TSLP: variants seen among roughly 807,000 people sequenced by gnomAD.
TSLP encodes the protein thymic stroma-derived lymphopoietin.
Under a neutral mutation model 12.4 loss-of-function variants are expected in TSLP, and 12 were observed. The ratio of observed to expected loss-of-function variants is 0.97; its 90% CI spans 0.62 to 1.57. TSLP has a LOEUF of 1.57. Among genes scored for constraint, TSLP ranks in the 40% most tolerant of loss-of-function variants. The probability of loss-of-function intolerance (pLI) is 0.00; values close to 1 mark genes in which losing one functional copy is unlikely to be tolerated. For synonymous variants in TSLP, 97 were observed against 69.5 expected (o/e 1.40, Z -1.97); for missense variants, 222 against 189.6 (o/e 1.17, Z -1.00).
Position 111,077,748 on chromosome 5 carries a change from T to C in TSLP, c.*1674T>C, listed in dbSNP as rs1176980040. 6.6e-6 allele frequency: 1 copy of C among 152,620 alleles called. No homozygotes were observed. The highest frequency in any genetic ancestry group is 1.5e-5 in the Non-Finnish European group (1 of 68,034). The allele number at this position is 152,620 out of a possible 1,614,324, so 9.5% of individuals were successfully genotyped here. On this transcript the variant is annotated 3_prime_UTR_variant, in exon 4 of 4. Transcript: ENST00000344895. ...GTGCAGTTTCTTTGAATCTTCTGCTTTATCTTTAAAAATTTGTATAATTTA... is the reference window on the plus strand; with the variant it reads ...GTGCAGTTTCTTTGAATCTTCTGCTCTATCTTTAAAAATTTGTATAATTTA...
At chr5:111,075,889 A>C in intron 3 of TSLP, 57 bp from the exon 4 acceptor site, 2 of 1,581,204 alleles carry the variant, frequency 1.3e-6, no homozygotes, top group South Asian at 2.3e-5. Context: ...ACCTGCTCTC[A>C]ACAGTTACTA....
At position 111,071,794 on chromosome 5, in the gene TSLP, G is replaced by C. The variant is rs141800763; in HGVS notation, c.-97G>C. 43 of 1,457,296 alleles carry C rather than the reference G, an allele frequency of 3.0e-5. No individual in the cohort carries two copies. In the Admixed American group the frequency reaches 4.9e-4, roughly 16 times the overall value. The allele number at this position is 1,457,296 out of a possible 1,614,324, so 90.3% of individuals were successfully genotyped here. On this transcript the variant is annotated 5_prime_UTR_variant, in exon 1 of 4. Transcript: ENST00000344895. Reference sequence around the variant, plus strand: ...CTGGCAATGAGAGGCAAAACCTGGTGCTTGAGCACTGGCCCCTAAGGCAGG... The same window carrying C: ...CTGGCAATGAGAGGCAAAACCTGGTCCTTGAGCACTGGCCCCTAAGGCAGG...
chr5:111,078,008 A>G lies in TSLP; in HGVS notation c.*1934A>G, dbSNP rs1254472426. 1 of 152,620 alleles carries G rather than the reference A, an allele frequency of 6.6e-6. No individual in the cohort carries two copies. The highest frequency in any genetic ancestry group is 1.5e-5 in the Non-Finnish European group (1 of 68,038). 9.5% of individuals were successfully genotyped at this position (152,620 alleles called of 1,614,324 possible). A position where few individuals can be genotyped will look rare whatever the true frequency, so the allele number is the denominator to read the frequency against. Reference sequence around the variant, plus strand: ...TGTCAATGTTTCATGGTCAATAAAAAGGAAGTTGCAAATTGTGATTTAAGC... The same window carrying G: ...TGTCAATGTTTCATGGTCAATAAAAGGGAAGTTGCAAATTGTGATTTAAGC... On this transcript the variant is annotated 3_prime_UTR_variant, in exon 4 of 4. Coordinates refer to ENST00000344895, the MANE Select transcript of TSLP (RefSeq NM_033035.5).
At chr5:111,075,766 G>C (rs1193087634) in intron 3 of TSLP, among the ~76,000 whole-genome samples, 180 bp from the exon 4 acceptor site, 1 of 152,142 alleles carries the variant, frequency 6.6e-6, no homozygotes, top group East Asian at 1.9e-4. Flanking sequence ...AGCAAAAGTA[G>C]GTGGGTACAG....
chr5:111,073,120 A>G (rs911437702), intron 2 of TSLP, among the ~76,000 whole-genome samples, 188 bp downstream of exon 2: 5 of 152,186 alleles, frequency 3.3e-5, no homozygotes, highest in Non-Finnish European at 7.4e-5. Flanking sequence ...TTCTGTTCCA[A>G]TTTAGGGAGA....
upstream of TSLP, chr5:111,071,435 C>T (rs1322166575): frequency 1.3e-6 from 2 of 1,521,538 alleles, no homozygotes; most frequent in East Asian, 2.5e-5. Context: ...CGGAAATGCC[C>T]TGTAGGAGAA....
In TSLP at chr5:111,076,209, A is replaced by T; in HGVS notation, c.*135A>T. On this transcript the variant is annotated 3_prime_UTR_variant, in exon 4 of 4. Transcript: ENST00000344895. The stretch of plus-strand genomic sequence containing the variant: ...TAATTACAGAAGAGTTTCTTAACTT[A>T]CTTTTGTAAGTTTTTATTGTGTAAG... 1 of 1,085,790 alleles carries T rather than the reference A, an allele frequency of 9.2e-7. No homozygotes were observed. The highest frequency in any genetic ancestry group is 1.3e-6 in the Non-Finnish European group (1 of 747,422). 67.3% of individuals were successfully genotyped at this position (1,085,790 alleles called of 1,614,324 possible).
At chr5:111,075,175 C>T (rs1400246901) in intron 3 of TSLP, among the ~76,000 whole-genome samples, 2 of 152,144 alleles carry the variant, frequency 1.3e-5, no homozygotes, top group African/African-American at 4.8e-5. Context: ...CAGTCCCTCC[C>T]AAGCCCAAAT....
intron 1 of TSLP, 100 bp from the exon 2 acceptor site, chr5:111,072,788 T>A: frequency 1.6e-6 from 2 of 1,239,140 alleles, no homozygotes; most frequent in Admixed American, 3.5e-5. Context: ...GAAACTGTTT[T>A]CAGGGCACCT....
At chr5:111,073,082 C>A in intron 2 of TSLP, 150 bp downstream of exon 2, 3 of 994,050 alleles carry the variant, frequency 3.0e-6, no homozygotes, top group Non-Finnish European at 4.5e-6. Flanking sequence ...GCTGTCAGAG[C>A]GGGGCTGCGC....
Position 111,071,964 on chromosome 5 carries a change from TG to T in TSLP, c.76del (p.Val26CysfsTer2), listed in dbSNP as rs1752348807. The T allele has an allele frequency of 1.2e-6, 2 of 1,614,140 alleles. No individual in the cohort carries two copies. Among genetic ancestry groups the T allele is most frequent in the African/African-American group, 2.7e-5 (2 of 74,948 alleles). On this transcript the variant is annotated frameshift_variant, in exon 1 of 4. Coordinates refer to ENST00000344895, the MANE Select transcript of TSLP (RefSeq NM_033035.5). LOFTEE classifies it high-confidence loss of function. Reference protein sequence around the residue: ...RKIFILQLVGLVLTYDFTNCD... With the variant: ...RKIFILQLVGXVLTYDFTNCD... Reference sequence around the variant, plus strand: ...ATCTTCATCTTACAACTTGTAGGGCTGGTGTTAACTTACGACTTCACTAACT... The same window carrying T: ...ATCTTCATCTTACAACTTGTAGGGCTGTGTTAACTTACGACTTCACTAACT...
chr5:111,071,076 T>C (rs1269442727), upstream of TSLP: 2 of 179,666 alleles, frequency 1.1e-5, no homozygotes, highest in Non-Finnish European at 2.3e-5. Context: ...CTGAAATTGA[T>C]ATGGGAAATT....
Position 111,073,514 on chromosome 5 carries a change from C to T in TSLP, c.220C>T (p.His74Tyr). Reference sequence around the variant, plus strand: ...AAACTTTGCCGCCTATGAGCAGCCACATTGCCTTACTGAAATCCAGAGCCT... The same window carrying T: ...AAACTTTGCCGCCTATGAGCAGCCATATTGCCTTACTGAAATCCAGAGCCT... Reference protein sequence around the residue: ...NNTVSCSNRPHCLTEIQSLTF... With the variant: ...NNTVSCSNRPYCLTEIQSLTF... The change falls in exon 3 of 4, where the codon CAT (histidine) becomes TAT (tyrosine). Residue 74 changes from histidine (H) to tyrosine (Y), a missense_variant. His to Tyr is a moderately conservative substitution (Grantham distance 83). Coordinates refer to ENST00000344895, the MANE Select transcript of TSLP (RefSeq NM_033035.5). The T allele has an allele frequency of 1.2e-6, 2 of 1,614,166 alleles. No homozygotes were observed. The highest frequency in any genetic ancestry group is 1.7e-6 in the Non-Finnish European group (2 of 1,180,042).
In TSLP at chr5:111,072,055, G is replaced by C. The variant is rs781307526; in HGVS notation, c.165G>C (p.Met55Ile). 8.1e-6 allele frequency: 13 copies of C among 1,610,108 alleles called. No homozygotes were observed. The highest frequency in any genetic ancestry group is 1.1e-5 in the Non-Finnish European group (13 of 1,177,362). Residue 55 changes from methionine (M) to isoleucine (I), a missense_variant, in exon 1 of 4, where the codon ATG becomes ATC. By Grantham distance (10) the Met-to-Ile change is conservative (BLOSUM62 1). Transcript: ENST00000344895. ...STISKDLITY[M>I]SGTKSTEFNN... ...TTTCTAAAGACCTGATTACATATAT[G>C]AGTGGGGTAAGTGAAGAAGCTTTTT... is the stretch of plus-strand genomic sequence containing the variant.
chr5:111,074,695 A>T (rs1042236239), intron 3 of TSLP, among the ~76,000 whole-genome samples: 22 of 144,896 alleles, frequency 1.5e-4, no homozygotes, highest in African/African-American at 5.7e-4. Context: ...CAGTGGCACG[A>T]TCTCAGCTCA....
Position 111,075,937 on chromosome 5 carries a change from A to T in TSLP, c.352-9A>T. ...AGTAATTTTGACTATTGATTCTTAT[A>T]TTCTGCAGATAAATGCTACTCAGGC... On this transcript the variant is annotated splice_polypyrimidine_tract_variant and intron_variant, in intron 3 of 3. Coordinates refer to ENST00000344895, the MANE Select transcript of TSLP (RefSeq NM_033035.5). 6.2e-7 allele frequency: 1 copy of T among 1,611,196 alleles called. No homozygotes were observed. The highest frequency in any genetic ancestry group is 1.1e-5 in the South Asian group (1 of 90,718).
chr5:111,070,683 G>A (rs1161146998), upstream of TSLP: 1 of 152,460 alleles, frequency 6.6e-6, no homozygotes, highest in African/African-American at 2.4e-5. Flanking sequence ...GGATCAACAA[G>A]AGTTTGCTAG....
In TSLP at chr5:111,073,564, C is replaced by G. The variant is rs767648931; in HGVS notation, c.270C>G (p.Cys90Trp). ...QSLTFNPTAG[C>W]ASLAKEMFAM... is the part of the protein sequence containing the mutation. ...TAACCTTCAATCCCACCGCCGGCTG[C>G]GCGTCGCTCGCCAAAGAAATGTTCG... Residue 90 changes from cysteine (C) to tryptophan (W), a missense_variant, in exon 3 of 4, where the codon TGC (cysteine) becomes TGG (tryptophan). Coordinates refer to ENST00000344895, the MANE Select transcript of TSLP (RefSeq NM_033035.5). 6.2e-7 allele frequency: 1 copy of G among 1,614,186 alleles called. No homozygotes were observed. The highest frequency in any genetic ancestry group is 8.5e-7 in the Non-Finnish European group (1 of 1,180,038).
At position 111,077,803 on chromosome 5, in the gene TSLP, T is replaced by C. The variant is rs1432986333; in HGVS notation, c.*1729T>C. On this transcript the variant is annotated 3_prime_UTR_variant, in exon 4 of 4. Coordinates refer to ENST00000344895, the MANE Select transcript of TSLP (RefSeq NM_033035.5). ...TTTTATTCTATGTGTTCCATAGATA[T>C]CTTAATGTAAAATTAGTCATTTAAA... 1 of 152,620 alleles carries C rather than the reference T, an allele frequency of 6.6e-6. No individual in the cohort carries two copies. Among genetic ancestry groups the C allele is most frequent in the Admixed American group, 6.5e-5 (1 of 15,292 alleles). 9.5% of individuals were successfully genotyped at this position (152,620 alleles called of 1,614,324 possible).
Sources: gnomAD v4.1 joint callset for allele counts (sites outside exome capture counted in the v4.1 genomes callset) on GRCh38, gnomAD v4.1.1 for gene constraint, MANE v1.5 for transcripts, NCBI Gene and HGNC (gene_info 2026-07-23, HGNC 2026-07-21) for gene names.